M1AP: variants seen among roughly 807,000 people sequenced by gnomAD.
M1AP encodes meiosis 1 associated protein, also known as meiosis 1 arrest protein.
A neutral mutation model predicts 51.2 loss-of-function variants in M1AP; 39 were observed. The ratio of observed to expected loss-of-function variants is 0.76; its 90% CI spans 0.59 to 1.00. The LOEUF is 1.00. M1AP is among the 50% of genes least tolerant of loss of function. The pLI is 0.00. For synonymous variants in M1AP, 251 were observed against 249.2 expected, an observed-to-expected ratio of 1.01 and a Z score of -0.07; for missense variants, 545 against 641.2, an observed-to-expected ratio of 0.85 and a Z score of 1.62.
intron 2 of M1AP, among the ~76,000 whole-genome samples, chr2:74,625,029 A>G (rs980059703): frequency 2.0e-5 from 3 of 152,204 alleles, no homozygotes; most frequent in African/African-American, 7.2e-5. Context: ...TGCCCTCTAT[A>G]ATGTCGATTT....
chr2:74,585,688 T>G (rs1388192238), intron 4 of M1AP, among the ~76,000 whole-genome samples: 1 of 152,234 alleles, frequency 6.6e-6, no homozygotes, highest in Non-Finnish European at 1.5e-5. Flanking sequence ...AGTTTTGCAG[T>G]TTCAGAAGGG....
intron 4 of M1AP, among the ~76,000 whole-genome samples, chr2:74,602,763 A>T (rs976345397): frequency 6.6e-6 from 1 of 152,232 alleles, no homozygotes; most frequent in Non-Finnish European, 1.5e-5. Flanking sequence ...ACAAAGAGGA[A>T]TTACAAGCGA....
chr2:74,643,885 C>G (rs756396765), intron 1 of M1AP, among the ~76,000 whole-genome samples: 1 of 152,112 alleles, frequency 6.6e-6, no homozygotes, highest in African/African-American at 2.4e-5. Flanking sequence ...GATGAGCCAC[C>G]ACTTCCAGCC....
At chr2:74,613,200 C>G (rs921540253) in intron 3 of M1AP, among the ~76,000 whole-genome samples, 2 of 152,142 alleles carry the variant, frequency 1.3e-5, no homozygotes, top group African/African-American at 4.8e-5. Context: ...TCTGCTTTAT[C>G]CATTAGAGCC....
At chr2:74,598,596 T>C (rs577079113) in intron 4 of M1AP, among the ~76,000 whole-genome samples, 1 of 151,374 alleles carries the variant, frequency 6.6e-6, no homozygotes, top group African/African-American at 2.4e-5. Flanking sequence ...CAAACATTCC[T>C]TGTAATATTT....
chr2:74,561,104 A>G, intron 8 of M1AP, among the ~76,000 whole-genome samples: 1 of 140,012 alleles, frequency 7.1e-6, no homozygotes, highest in African/African-American at 2.7e-5. Flanking sequence ...GAGAAGGAGG[A>G]GGAGGAGAAG....
intron 8 of M1AP, chr2:74,561,898 C>A: frequency 1.0e-6 from 1 of 985,388 alleles, no homozygotes; most frequent in Non-Finnish European, 1.2e-6. Context: ...GATTTCAGGT[C>A]CGTGTGCATG....
Position 74,560,220 on chromosome 2 carries a change from G to C in M1AP, c.1353C>G (p.His451Gln). The change falls in exon 9 of 11, where the codon CAC (histidine) becomes CAG (glutamine). Residue 451 changes from histidine (H) to glutamine (Q), a missense_variant. His to Gln is a conservative substitution (Grantham distance 24). Transcript: ENST00000421985. ...PLHVQSHLYS[H>Q]LSSIYAKPQG... Reference sequence around the variant, plus strand: ...GAGGCTTGGCATAGATGCTGCTCAGGTGTGAGTACAGGTGGCTTTGAACAT... The same window carrying C: ...GAGGCTTGGCATAGATGCTGCTCAGCTGTGAGTACAGGTGGCTTTGAACAT... 1 of 1,614,008 alleles carries C rather than the reference G, an allele frequency of 6.2e-7. No individual in the cohort carries two copies. The highest frequency in any genetic ancestry group is 8.5e-7 in the Non-Finnish European group (1 of 1,179,986).
intron 2 of M1AP, chr2:74,628,494 C>T: frequency 2.2e-6 from 1 of 451,938 alleles, no homozygotes; most frequent in Admixed American, 2.7e-5. Flanking sequence ...CCAGTTTACT[C>T]TGAAGGAGAA....
Position 74,576,533 on chromosome 2 carries a change from G to T in M1AP, c.855C>A (p.Asp285Glu), listed in dbSNP as rs562596278. ...GTADGSLRMD[D>E]PKGDFITLYQ... ...AGAGTGTGATGAAGTCTCCTTTAGG[G>T]TCATCCATTCTCAAGGAGCCGTCAG... Residue 285 changes from aspartate to glutamate, a missense_variant, in exon 6 of 11, where the codon GAC becomes GAA. Coordinates refer to ENST00000421985, the MANE Select transcript of M1AP (RefSeq NM_001321739.2). 8.1e-6 allele frequency: 13 copies of T among 1,614,004 alleles called. No individual in the cohort carries two copies. The highest frequency in any genetic ancestry group is 1.3e-5 in the African/African-American group (1 of 75,042).
chr2:74,615,510 T>C, intron 2 of M1AP: 1 of 224,678 alleles, frequency 4.5e-6, no homozygotes, highest in Non-Finnish European at 9.0e-6. Flanking sequence ...AGACATCATC[T>C]TCATTTCTTA....
chr2:74,636,077 G>A (rs774764845), intron 2 of M1AP, among the ~76,000 whole-genome samples: 7 of 151,784 alleles, frequency 4.6e-5, no homozygotes, highest in Admixed American at 6.6e-5. Flanking sequence ...CTATAATTGT[G>A]GATTTATCTA....
chr2:74,563,460 G>C (rs1013481174), intron 7 of M1AP, among the ~76,000 whole-genome samples: 2 of 152,038 alleles, frequency 1.3e-5, no homozygotes, highest in Non-Finnish European at 2.9e-5. Context: ...TTAGCTGGAC[G>C]TGGTGGCGCA....
chr2:74,574,712 C>T (rs553242067), intron 7 of M1AP, among the ~76,000 whole-genome samples: 1 of 152,348 alleles, frequency 6.6e-6, no homozygotes, highest in East Asian at 1.9e-4. Flanking sequence ...GCTCACCTCT[C>T]CAACCCTACC....
intron 2 of M1AP, among the ~76,000 whole-genome samples, chr2:74,637,853 CT>C (rs1683072592): frequency 6.6e-6 from 1 of 152,088 alleles, no homozygotes; most frequent in South Asian, 2.1e-4. Flanking sequence ...GATCAGTACT[CT>C]GCTGAATACT....
intron 2 of M1AP, among the ~76,000 whole-genome samples, chr2:74,627,278 T>C (rs1451236431): frequency 2.0e-5 from 3 of 152,276 alleles, no homozygotes; most frequent in Middle Eastern, 3.4e-3. Context: ...GTTATTGTGA[T>C]GAAAAATTTT....
intron 4 of M1AP, among the ~76,000 whole-genome samples, chr2:74,595,701 T>C (rs549459507): frequency 6.6e-6 from 1 of 152,292 alleles, no homozygotes; most frequent in Admixed American, 6.5e-5. Flanking sequence ...AATTATAACA[T>C]GAAAGATAGT....
intron 3 of M1AP, among the ~76,000 whole-genome samples, chr2:74,609,829 C>G (rs948844235): frequency 6.6e-6 from 1 of 152,106 alleles, no homozygotes; most frequent in Admixed American, 6.5e-5. Context: ...CATTTTTGCA[C>G]CTGCCTGTGG....
At chr2:74,594,626 C>T (rs377033478) in intron 4 of M1AP, among the ~76,000 whole-genome samples, 1 of 152,154 alleles carries the variant, frequency 6.6e-6, no homozygotes, top group Non-Finnish European at 1.5e-5. Flanking sequence ...GTAATCCTGG[C>T]ATTTTCAGAG....
Sources: gnomAD v4.1 joint callset for allele counts (sites outside exome capture counted in the v4.1 genomes callset) on GRCh38, gnomAD v4.1.1 for gene constraint, MANE v1.5 for transcripts, NCBI Gene and HGNC (gene_info 2026-07-23, HGNC 2026-07-21) for gene names.